Variants in MTUS2 observed in about 807,000 individuals in gnomAD.
MTUS2 encodes microtubule-associated tumor suppressor candidate 2.
A neutral mutation model predicts 114.1 loss-of-function variants in MTUS2; 40 were observed. The observed-to-expected ratio is 0.35, with a 90% CI of 0.27 to 0.46. MTUS2 has a LOEUF of 0.46. Ranked by LOEUF, MTUS2 falls within the 20% of genes least tolerant of loss-of-function variation. The pLI is 1.00. For synonymous variants in MTUS2, 688 were observed against 672.0 expected (o/e 1.02, Z -0.37); for missense variants, 1,679 against 1,705.4 (o/e 0.98, Z 0.27).
At chr13:29,258,013 C>G (rs2139453749) in intron 5 of MTUS2, among the ~76,000 whole-genome samples, 1 of 152,308 alleles carries the variant, frequency 6.6e-6, no homozygotes, top group South Asian at 2.1e-4. Flanking sequence ...AGGACCAGCA[C>G]TGGAAAGAAT....
chr13:28,949,313 T>C (rs1036109714), intron 2 of MTUS2, among the ~76,000 whole-genome samples: 2 of 151,202 alleles, frequency 1.3e-5, no homozygotes, highest in African/African-American at 4.9e-5. Context: ...TGGCCTGCCT[T>C]GGGGCTCTGG....
chr13:29,117,701 AT>A (rs1399756239), intron 5 of MTUS2, among the ~76,000 whole-genome samples: 1 of 152,172 alleles, frequency 6.6e-6, no homozygotes. Context: ...TTCCAGCACC[AT>A]TTATTAGAAA....
chr13:29,468,025 G>A (rs1489560771), intron 9 of MTUS2, among the ~76,000 whole-genome samples: 1 of 151,978 alleles, frequency 6.6e-6, no homozygotes, highest in African/African-American at 2.4e-5. Context: ...GAGATGAGGT[G>A]GGAGGATCAT....
chr13:29,071,096 C>T (rs1888902289), intron 4 of MTUS2, among the ~76,000 whole-genome samples: 1 of 151,762 alleles, frequency 6.6e-6, no homozygotes. Context: ...CCTCTGCCTC[C>T]CGGGTTCAAG....
At chr13:29,110,918 A>G (rs906493480) in intron 5 of MTUS2, among the ~76,000 whole-genome samples, 1 of 152,244 alleles carries the variant, frequency 6.6e-6, no homozygotes, top group Non-Finnish European at 1.5e-5. Flanking sequence ...AATATGACAT[A>G]TTAGCATGTA....
At chr13:28,875,250 A>G (rs2138115758) in intron 2 of MTUS2, among the ~76,000 whole-genome samples, 1 of 151,210 alleles carries the variant, frequency 6.6e-6, no homozygotes, top group East Asian at 2.0e-4. Context: ...AAACAAATCT[A>G]GTAGATACTG....
intron 5 of MTUS2, among the ~76,000 whole-genome samples, chr13:29,160,253 C>T (rs1435911558): frequency 6.6e-6 from 1 of 152,228 alleles, no homozygotes; most frequent in African/African-American, 2.4e-5. Flanking sequence ...CAGCCTCTGC[C>T]ATCCCTGAGA....
At chr13:29,178,026 C>T (rs1171593953) in intron 5 of MTUS2, among the ~76,000 whole-genome samples, 2 of 152,162 alleles carry the variant, frequency 1.3e-5, no homozygotes, top group Non-Finnish European at 2.9e-5. Flanking sequence ...AATGTCAAGT[C>T]CTAGAGCTGC....
intron 5 of MTUS2, among the ~76,000 whole-genome samples, chr13:29,111,530 C>G (rs529810150): frequency 6.6e-6 from 1 of 152,278 alleles, no homozygotes; most frequent in Non-Finnish European, 1.5e-5. Context: ...AGCAGAAACT[C>G]TAGGTCAGAG....
intron 4 of MTUS2, among the ~76,000 whole-genome samples, chr13:29,044,685 G>A (rs555972964): frequency 6.6e-6 from 1 of 151,964 alleles, no homozygotes; most frequent in South Asian, 2.1e-4. Flanking sequence ...ACTACTTTCT[G>A]TTTCCCTTTC....
At chr13:29,462,662 G>T (rs1031656416) in intron 9 of MTUS2, among the ~76,000 whole-genome samples, 1 of 152,138 alleles carries the variant, frequency 6.6e-6, no homozygotes, top group Non-Finnish European at 1.5e-5. Context: ...TTGTAAGGAA[G>T]ACTATAAAGA....
intron 1 of MTUS2, among the ~76,000 whole-genome samples, chr13:28,830,498 A>G (rs1050335748): frequency 4.9e-5 from 1 of 20,396 alleles, no homozygotes; most frequent in African/African-American, 2.0e-4. Context: ...GAAAAGTACA[A>G]TGATTGAAAT....
intron 2 of MTUS2, among the ~76,000 whole-genome samples, chr13:28,887,940 C>T (rs1878686987): frequency 6.6e-6 from 1 of 152,186 alleles, no homozygotes; most frequent in South Asian, 2.1e-4. Flanking sequence ...GAAGTATCTT[C>T]CCACTTTGCC....
chr13:29,195,539 G>GA (rs59726006), intron 5 of MTUS2, among the ~76,000 whole-genome samples: 2,222 of 78,338 alleles, frequency 0.028, 88 homozygotes, highest in African/African-American at 0.083. Flanking sequence ...ACTTAATTCT[G>GA]AAAAAAAAAA....
At chr13:29,238,474 C>T (rs1896616952) in intron 5 of MTUS2, among the ~76,000 whole-genome samples, 1 of 152,168 alleles carries the variant, frequency 6.6e-6, no homozygotes, top group Admixed American at 6.5e-5. Flanking sequence ...GGTCCAAGAG[C>T]CCCTGGCAAA....
At chr13:29,045,626 C>T (rs1197249746) in intron 4 of MTUS2, among the ~76,000 whole-genome samples, 1 of 152,168 alleles carries the variant, frequency 6.6e-6, no homozygotes, top group Non-Finnish European at 1.5e-5. Context: ...CCTGGAAATG[C>T]TACATAACCA....
rs369289077 is a variant in MTUS2, at chr13:28,840,030, A to ATT, written c.-243+192_-243+193dup. ...TGAAAATAAATTATATGAAAGCTTA[A>ATT]TTTTTTTTTTTTTAAAGCTGTGAGG... On this transcript the variant is annotated intron_variant, in intron 2 of 15. Transcript: ENST00000612955. Among the ~76,000 whole-genome samples, 838 of 146,984 alleles carry ATT rather than the reference A, an allele frequency of 5.7e-3. 7 individuals carry two copies. Among genetic ancestry groups the ATT allele is most frequent in the African/African-American group, 0.019 (769 of 40,112 alleles).
intron 2 of MTUS2, among the ~76,000 whole-genome samples, chr13:28,843,805 A>C (rs1161452): frequency 0.81 from 123,872 of 152,212 alleles, 50,851 homozygotes; most frequent in African/African-American, 0.84. Context: ...CACACGGGGG[A>C]TGGGTCATGC....
In MTUS2 at chr13:29,503,915, C is replaced by T; in HGVS notation, c.*709C>T. On this transcript the variant is annotated 3_prime_UTR_variant, in exon 16 of 16. Coordinates refer to ENST00000612955, the MANE Select transcript of MTUS2 (RefSeq NM_001033602.4). ...CATTCGCAAGTTTTAATTATTGATA[C>T]TCCTGTCATGAGCGGATAAGGGAGA... is the stretch of plus-strand genomic sequence containing the variant. 1 of 231,696 alleles carries T rather than the reference C, an allele frequency of 4.3e-6. No homozygotes were observed. Among genetic ancestry groups the T allele is most frequent in the East Asian group, 6.2e-5 (1 of 16,228 alleles). 14.4% of individuals were successfully genotyped at this position (231,696 alleles called of 1,614,324 possible).
Sources: allele counts gnomAD v4.1 joint callset (sites outside exome capture counted in the v4.1 genomes callset), GRCh38; gene constraint gnomAD v4.1.1; transcripts MANE v1.5; gene names NCBI Gene and HGNC (gene_info 2026-07-23, HGNC 2026-07-21).